Variants in BST1 observed in about 807,000 individuals in gnomAD.
The protein encoded by BST1 is bone marrow stromal cell antigen 1.
BST1 carries 49 observed loss-of-function variants against 40.6 expected under a neutral mutation model. The observed-to-expected ratio is 1.21, with a 90% CI of 0.96 to 1.53. The LOEUF (loss-of-function observed/expected upper bound fraction) is 1.53. Among genes scored for constraint, BST1 ranks in the 40% most tolerant of loss-of-function variants. BST1 has a pLI of 0.00. For synonymous variants in BST1, 157 were observed against 159.3 expected (o/e 0.99, Z 0.11); for missense variants, 423 against 395.9 (o/e 1.07, Z -0.58).
chr4:15,749,278 C>T, the BST1 span, among the ~76,000 whole-genome samples: 1,805 of 152,224 alleles, frequency 0.012, 43 homozygotes, highest in African/African-American at 0.039. Context: ...GAGGATGGGT[C>T]CAGAAACGGT....
At chr4:15,744,672 T>C in the BST1 span, among the ~76,000 whole-genome samples, 1 of 152,204 alleles carries the variant, frequency 6.6e-6, no homozygotes, top group Non-Finnish European at 1.5e-5. Flanking sequence ...AGATGGACAC[T>C]GTAATCGTGA....
chr4:15,762,188 CAAAAAAAAAAA>C, the BST1 span, among the ~76,000 whole-genome samples: 417 of 61,274 alleles, frequency 6.8e-3, 3 homozygotes, highest in African/African-American at 0.023. Flanking sequence ...GACTCCATCT[CAAAAAAAAAAA>C]AAAAAAAAAA....
the BST1 span, among the ~76,000 whole-genome samples, chr4:15,765,728 C>A: frequency 6.6e-6 from 1 of 151,978 alleles, no homozygotes; most frequent in Non-Finnish European, 1.5e-5. Context: ...ACCTCACCTT[C>A]TTCAGATTCT....
downstream of BST1, among the ~76,000 whole-genome samples, chr4:15,739,439 G>T (rs143153358): frequency 6.6e-6 from 1 of 152,202 alleles, no homozygotes; most frequent in African/African-American, 2.4e-5. Flanking sequence ...ACGTGATTTG[G>T]TTCTTTGGAA....
chr4:15,720,069 A>G (rs1720729286), intron 7 of BST1, among the ~76,000 whole-genome samples: 1 of 152,228 alleles, frequency 6.6e-6, no homozygotes, highest in African/African-American at 2.4e-5. Flanking sequence ...ACCTGCAACC[A>G]GCCCTCAGAC....
chr4:15,748,414 G>A, the BST1 span, among the ~76,000 whole-genome samples: 4 of 152,244 alleles, frequency 2.6e-5, no homozygotes, highest in African/African-American at 7.2e-5. Context: ...TTCAGTAAGA[G>A]GGGGAGAAAG....
intron 4 of BST1, among the ~76,000 whole-genome samples, chr4:15,713,712 C>CT (rs953111553): frequency 9.9e-5 from 15 of 150,850 alleles, no homozygotes; most frequent in South Asian, 2.1e-4. Flanking sequence ...TTATTTTTAT[C>CT]TTTTTTTTTG....
intron 4 of BST1, among the ~76,000 whole-genome samples, chr4:15,714,872 T>C (rs967102260): frequency 6.6e-6 from 1 of 152,206 alleles, no homozygotes; most frequent in African/African-American, 2.4e-5. Context: ...TCAGATATTT[T>C]GCAGATGTGT....
At chr4:15,733,677 G>T (rs1363478804), downstream of BST1, among the ~76,000 whole-genome samples, 1 of 152,182 alleles carries the variant, frequency 6.6e-6, no homozygotes, top group African/African-American at 2.4e-5. Flanking sequence ...GAAGGAGGAA[G>T]GGAGTGAAGG....
intron 6 of BST1, among the ~76,000 whole-genome samples, chr4:15,717,645 A>G (rs1299390133): frequency 6.6e-6 from 1 of 152,234 alleles, no homozygotes; most frequent in Non-Finnish European, 1.5e-5. Flanking sequence ...AAGGGAACAA[A>G]TAATTAATAA....
intron 8 of BST1, among the ~76,000 whole-genome samples, chr4:15,728,630 C>T (rs12640596): frequency 0.086 from 12,497 of 146,018 alleles, 1,155 homozygotes; most frequent in East Asian, 0.52. Flanking sequence ...TTTTCTTTTC[C>T]CTTCCTTCCT....
rs1719652110 is a variant in BST1, at chr4:15,703,344, G to A, written c.188+12G>A. On this transcript the variant is annotated intron_variant, in intron 1 of 8. Transcript: ENST00000265016. ...AGTCCCGAGCAGCGGTGAGGCAGTC[G>A]GCCGGGTGGAAGGGGAGCCGGAAAG... 2 of 1,492,994 alleles carry A rather than the reference G, an allele frequency of 1.3e-6. No homozygotes were observed. The highest frequency in any genetic ancestry group is 2.2e-4 in the Middle Eastern group (1 of 4,454). 92.5% of individuals were successfully genotyped at this position (1,492,994 alleles called of 1,614,324 possible).
At chr4:15,758,812 T>C in the BST1 span, among the ~76,000 whole-genome samples, 1 of 150,254 alleles carries the variant, frequency 6.7e-6, no homozygotes, top group African/African-American at 2.5e-5. Context: ...GATCATTTAA[T>C]TAAGTTTTAG....
intron 1 of BST1, 64 bp from the exon 2 acceptor site, chr4:15,705,448 TGGG>T (rs1464320133): frequency 2.0e-6 from 3 of 1,487,726 alleles, no homozygotes; most frequent in African/African-American, 2.8e-5. Context: ...CTTAGACAAA[TGGG>T]CATACTTCAC....
At chr4:15,731,319 A>G (rs1721360893) in intron 8 of BST1, 1 of 507,050 alleles carries the variant, frequency 2.0e-6, no homozygotes, top group Admixed American at 2.9e-5. Flanking sequence ...ACTCTTGGCC[A>G]GTTTCTTGAC....
At chr4:15,767,705 G>T in the BST1 span, among the ~76,000 whole-genome samples, 3 of 151,670 alleles carry the variant, frequency 2.0e-5, no homozygotes, top group East Asian at 1.9e-4. Context: ...GTTTTTTTGG[G>T]GAAGGGGCAT....
chr4:15,711,717 A>G (rs747214991), intron 3 of BST1, 90 bp from the exon 4 acceptor site: 1 of 1,011,504 alleles, frequency 9.9e-7, no homozygotes, highest in Non-Finnish European at 1.6e-6. Flanking sequence ...AGCTAAGTAT[A>G]CATCATGGAA....
the BST1 span, among the ~76,000 whole-genome samples, chr4:15,759,029 C>T: frequency 6.6e-6 from 1 of 151,926 alleles, no homozygotes; most frequent in African/African-American, 2.4e-5. Flanking sequence ...GGCATCAAGT[C>T]CCATTTCCAC....
the BST1 span, among the ~76,000 whole-genome samples, chr4:15,749,787 T>C: frequency 1.3e-5 from 2 of 152,150 alleles, no homozygotes; most frequent in African/African-American, 2.4e-5. Context: ...TCATGAAAAA[T>C]GGGGTATTCA....
Sources: allele counts gnomAD v4.1 joint callset (sites outside exome capture counted in the v4.1 genomes callset), GRCh38; gene constraint gnomAD v4.1.1; transcripts MANE v1.5; gene names NCBI Gene and HGNC (gene_info 2026-07-23, HGNC 2026-07-21).